The following EMILIN2 variants were observed in gnomAD, a reference collection of about 807,000 sequenced individuals.
The protein encoded by EMILIN2 is EMILIN-2.
In EMILIN2, 71 loss-of-function variants were observed where a neutral mutation model predicts 87.1. The ratio of observed to expected loss-of-function variants is 0.82; its 90% CI spans 0.67 to 0.99. The LOEUF is 0.99. Among genes scored for constraint, EMILIN2 ranks in the 50% least tolerant of loss-of-function variants. The pLI, the probability that EMILIN2 is intolerant of heterozygous loss-of-function variation, is 0.00. For synonymous variants in EMILIN2, 581 were observed against 563.4 expected (o/e 1.03, Z -0.44); for missense variants, 1,407 against 1,371.8 (o/e 1.03, Z -0.40).
In EMILIN2 at chr18:2,847,911, G is replaced by GCC; in HGVS notation, c.239_240dup (p.Cys81ProfsTer10). Reference sequence around the variant, plus strand: ...AGTACAACTGTGCCTGGAACCAGATGCCCTGTCCGTCGGCGCTGGTGTAAG... The same window carrying GCC: ...AGTACAACTGTGCCTGGAACCAGATGCCCCCTGTCCGTCGGCGCTGGTGTAAG... On this transcript the variant is annotated frameshift_variant, in exon 2 of 8. Coordinates refer to ENST00000254528, the MANE Select transcript of EMILIN2 (RefSeq NM_032048.3). LOFTEE classifies it high-confidence loss of function. The surrounding 1 kb of genome is among the most constrained non-coding windows in gnomAD (Gnocchi z 4.5). 6.2e-7 allele frequency: 1 copy of GCC among 1,612,062 alleles called. No individual in the cohort carries two copies. Among genetic ancestry groups the GCC allele is most frequent in the Non-Finnish European group, 8.5e-7 (1 of 1,179,518 alleles).
chr18:2,891,438 T>C lies in EMILIN2; in HGVS notation c.1311T>C (p.Leu437=). The C allele has an allele frequency of 6.2e-7, 1 of 1,614,194 alleles. No individual in the cohort carries two copies. ...NGRLDNEFDR[L]IVPEPDVDFD... ...GACTGGACAATGAGTTTGACCGCCT[T>C]ATAGTTCCAGAGCCAGATGTGGATT... is the stretch of plus-strand genomic sequence containing the variant. Residue 437 remains leucine (L), a synonymous_variant, in exon 4 of 8, where the codon CTT becomes CTC. Coordinates refer to ENST00000254528, the MANE Select transcript of EMILIN2 (RefSeq NM_032048.3). This position sits in a 1 kb window ranked among gnomAD's most constrained non-coding sequence, Gnocchi z 4.6.
rs202098120 is a variant in EMILIN2, at chr18:2,909,660, G to C, written c.2696-31G>C. The C allele has an allele frequency of 7.3e-4, 1,182 of 1,611,638 alleles. 1 individual carries two copies. The highest frequency in any genetic ancestry group is 9.4e-4 in the Non-Finnish European group (1,112 of 1,178,914). On this transcript the variant is annotated intron_variant, in intron 6 of 7. Transcript: ENST00000254528. ...CCCCCTGGAGGACAGAAGCACCCGG[G>C]TCAATCCATTCCATCCTTTCTCTGC...
At chr18:2,863,632 AC>A (rs1568457218) in intron 2 of EMILIN2, among the ~76,000 whole-genome samples, 1 of 152,146 alleles carries the variant, frequency 6.6e-6, no homozygotes. Context: ...GCAGTGCTTT[AC>A]TTCCAACTAT....
intron 2 of EMILIN2, among the ~76,000 whole-genome samples, chr18:2,871,930 T>C (rs2076721748): frequency 6.6e-6 from 1 of 152,238 alleles, no homozygotes; most frequent in African/African-American, 2.4e-5. Context: ...TTTCCTTTTT[T>C]ATCCTTTCAA....
chr18:2,848,514 A>G lies in EMILIN2; in HGVS notation c.257+583A>G, dbSNP rs556548345. On this transcript the variant is annotated intron_variant, in intron 2 of 7. Transcript: ENST00000254528. The surrounding 1 kb of genome is among the most constrained non-coding windows in gnomAD (Gnocchi z 4.1). Reference sequence around the variant, plus strand: ...CGCAACTTAGATTTGGAGATTCTCTAGAGATTGTGGGAGAGAATGGCCGTT... The same window carrying G: ...CGCAACTTAGATTTGGAGATTCTCTGGAGATTGTGGGAGAGAATGGCCGTT... 1.3e-5 allele frequency among the ~76,000 whole-genome samples: 2 copies of G among 152,074 alleles called. No individual in the cohort carries two copies. The highest frequency in any genetic ancestry group is 1.9e-4 in the East Asian group (1 of 5,176).
chr18:2,851,489 A>G (rs1327738009), intron 2 of EMILIN2, among the ~76,000 whole-genome samples: 1 of 152,120 alleles, frequency 6.6e-6, no homozygotes, highest in Non-Finnish European at 1.5e-5. Context: ...AAGTAGCCAT[A>G]GAGAGAGTGC....
At position 2,913,123 on chromosome 18, in the gene EMILIN2, G is replaced by C. The variant is rs763455124; in HGVS notation, c.2881G>C (p.Glu961Gln). 1 of 1,613,382 alleles carries C rather than the reference G, an allele frequency of 6.2e-7. No homozygotes were observed. The highest frequency in any genetic ancestry group is 1.3e-5 in the African/African-American group (1 of 74,904). ...CCTGATCACGGCCACCCTCACCCCC[G>C]AGAGAGACGCCTACGTGGAAGCAGT... ...RYLITATLTP[E>Q]RDAYVEAVLS... is the part of the protein sequence containing the mutation. Residue 961 changes from glutamate (E) to glutamine (Q), a missense_variant, in exon 8 of 8, where the codon GAG (glutamate) becomes CAG (glutamine). Coordinates refer to ENST00000254528, the MANE Select transcript of EMILIN2 (RefSeq NM_032048.3).
intron 2 of EMILIN2, among the ~76,000 whole-genome samples, chr18:2,873,551 C>CA (rs1380470712): frequency 1.3e-5 from 2 of 151,498 alleles, no homozygotes; most frequent in African/African-American, 4.9e-5. Context: ...ACTAAAAATA[C>CA]AAAAAATTAG....
chr18:2,898,643 C>T (rs1598502763), intron 4 of EMILIN2, among the ~76,000 whole-genome samples: 2 of 152,234 alleles, frequency 1.3e-5, no homozygotes, highest in South Asian at 4.1e-4. Flanking sequence ...TAATTTTCAT[C>T]ATAGCGTTTC....
chr18:2,899,579 A>C (rs973370916), intron 4 of EMILIN2, among the ~76,000 whole-genome samples: 1 of 151,996 alleles, frequency 6.6e-6, no homozygotes, highest in African/African-American at 2.4e-5. Flanking sequence ...ATCTCGGCTC[A>C]CTGCAACCTC....
At chr18:2,868,678 C>G (rs941575914) in intron 2 of EMILIN2, among the ~76,000 whole-genome samples, 2 of 152,186 alleles carry the variant, frequency 1.3e-5, no homozygotes, top group South Asian at 2.1e-4. Context: ...CGCCTGCAAT[C>G]GCAGGCACTC....
intron 2 of EMILIN2, among the ~76,000 whole-genome samples, chr18:2,851,327 C>T (rs569978504): frequency 2.0e-4 from 31 of 151,842 alleles, no homozygotes; most frequent in Admixed American, 5.9e-4. Flanking sequence ...CCCAGCTACT[C>T]GGGAGGCTGA....
chr18:2,847,883 C>G lies in EMILIN2; in HGVS notation c.209C>G (p.Ala70Gly). Residue 70 changes from alanine to glycine, a missense_variant, in exon 2 of 8, where the codon GCT becomes GGT. By Grantham distance (60) the Ala-to-Gly change is moderately conservative. Transcript: ENST00000254528. This position sits in a 1 kb window ranked among gnomAD's most constrained non-coding sequence, Gnocchi z 4.5. Reference sequence around the variant, plus strand: ...GAGGGAAGTGAGAGTTTTATTCAGGCTCAGTACAACTGTGCCTGGAACCAG... The same window carrying G: ...GAGGGAAGTGAGAGTTTTATTCAGGGTCAGTACAACTGTGCCTGGAACCAG... ...VLEGSESFIQAQYNCAWNQMP... is the reference protein window; with the variant it reads ...VLEGSESFIQGQYNCAWNQMP... The G allele has an allele frequency of 6.2e-7, 1 of 1,613,530 alleles. No homozygotes were observed. Among genetic ancestry groups the G allele is most frequent in the South Asian group, 1.1e-5 (1 of 91,072 alleles).
chr18:2,847,374 C>T lies in EMILIN2; in HGVS notation c.134+52C>T, dbSNP rs2076580284. ...CAAACCGCCTACCCCTCCCCGGCCCCCAGTTGAGCCCCAGAGCTGCCCTGC... is the reference window on the plus strand; with the variant it reads ...CAAACCGCCTACCCCTCCCCGGCCCTCAGTTGAGCCCCAGAGCTGCCCTGC... On this transcript the variant is annotated intron_variant, in intron 1 of 7. Coordinates refer to ENST00000254528, the MANE Select transcript of EMILIN2 (RefSeq NM_032048.3). This position sits in a 1 kb window ranked among gnomAD's most constrained non-coding sequence, Gnocchi z 4.5. 1 of 1,266,648 alleles carries T rather than the reference C, an allele frequency of 7.9e-7. No homozygotes were observed. Among genetic ancestry groups the T allele is most frequent in the Non-Finnish European group, 1.0e-6 (1 of 1,003,858 alleles). 78.5% of individuals were successfully genotyped at this position (1,266,648 alleles called of 1,614,324 possible). A position where few individuals can be genotyped will look rare whatever the true frequency, so the allele number is the denominator to read the frequency against.
chr18:2,899,355 G>A (rs1006150601), intron 4 of EMILIN2, among the ~76,000 whole-genome samples: 1 of 152,180 alleles, frequency 6.6e-6, no homozygotes, highest in Non-Finnish European at 1.5e-5. Flanking sequence ...CTTTGTGTGA[G>A]CCCACTTACG....
intron 2 of EMILIN2, among the ~76,000 whole-genome samples, chr18:2,853,036 G>C (rs1209806358): frequency 2.0e-5 from 3 of 152,106 alleles, no homozygotes; most frequent in African/African-American, 7.2e-5. Flanking sequence ...AGAGGAGAAG[G>C]AAAGGGGCAC....
At chr18:2,868,388 C>A (rs989196426) in intron 2 of EMILIN2, among the ~76,000 whole-genome samples, 43 of 152,294 alleles carry the variant, frequency 2.8e-4, no homozygotes, top group Admixed American at 1.8e-3. Flanking sequence ...CTCACTTCCC[C>A]GACAGGGTGG....
At chr18:2,863,049 T>C (rs2143972608) in intron 2 of EMILIN2, among the ~76,000 whole-genome samples, 1 of 152,366 alleles carries the variant, frequency 6.6e-6, no homozygotes, top group African/African-American at 2.4e-5. Flanking sequence ...TTTGTATTTC[T>C]GTGGGATCGG....
At chr18:2,868,394 G>T (rs2143986370) in intron 2 of EMILIN2, among the ~76,000 whole-genome samples, 1 of 152,316 alleles carries the variant, frequency 6.6e-6, no homozygotes, top group Middle Eastern at 3.4e-3. Context: ...TCCCCGACAG[G>T]GTGGCGGCTG....
Sources: gnomAD v4.1 joint callset for allele counts (sites outside exome capture counted in the v4.1 genomes callset) on GRCh38, gnomAD v4.1.1 for gene constraint, Gnocchi (gnomAD v3.1) non-coding constraint, MANE v1.5 for transcripts, NCBI Gene and HGNC (gene_info 2026-07-23, HGNC 2026-07-21) for gene names.